The following MTUS2 variants were observed in gnomAD, a reference collection of about 807,000 sequenced individuals.
MTUS2 encodes microtubule-associated tumor suppressor candidate 2.
Under a neutral mutation model 114.1 loss-of-function variants are expected in MTUS2, and 40 were observed. The ratio of observed to expected loss-of-function variants is 0.35; its 90% CI spans 0.27 to 0.46. The LOEUF (loss-of-function observed/expected upper bound fraction) is 0.46. Among genes scored for constraint, MTUS2 ranks in the 20% least tolerant of loss-of-function variants. The pLI is 1.00. For missense variants in MTUS2, 1,679 were observed against 1,705.4 expected, an observed-to-expected ratio of 0.98 and a Z score of 0.27; for synonymous variants, 688 against 672.0, an observed-to-expected ratio of 1.02 and a Z score of -0.37.
intron 5 of MTUS2, among the ~76,000 whole-genome samples, chr13:29,158,358 C>CCCCCCCCCTCTTTTTTTTT: frequency 3.1e-5 from 1 of 32,050 alleles, no homozygotes. Flanking sequence ...GTCCACCCCG[C>CCCCCCCCCTCTTTTTTTTT]TTTTTTTTTT....
At chr13:29,291,311 A>T (rs1214162451) in intron 6 of MTUS2, among the ~76,000 whole-genome samples, 2 of 152,232 alleles carry the variant, frequency 1.3e-5, no homozygotes, top group Non-Finnish European at 2.9e-5. Flanking sequence ...AGAGCCAGTG[A>T]GACACGCCAT....
At chr13:29,235,980 A>G (rs1457315622) in intron 5 of MTUS2, among the ~76,000 whole-genome samples, 1 of 152,128 alleles carries the variant, frequency 6.6e-6, no homozygotes, top group East Asian at 1.9e-4. Flanking sequence ...CTACTAACAT[A>G]TTGTTCTTAA....
chr13:28,998,085 G>A (rs2138368542), intron 2 of MTUS2, among the ~76,000 whole-genome samples: 1 of 152,116 alleles, frequency 6.6e-6, no homozygotes, highest in East Asian at 1.9e-4. Flanking sequence ...GGGCAGGCCT[G>A]GTGGTGACAA....
intron 2 of MTUS2, among the ~76,000 whole-genome samples, chr13:28,864,296 G>C (rs1028653580): frequency 1.3e-5 from 2 of 152,088 alleles, no homozygotes; most frequent in Admixed American, 1.3e-4. Flanking sequence ...ATGTTATAAG[G>C]GTCCATGAAA....
chr13:29,300,102 G>T (rs1423349299), intron 6 of MTUS2, among the ~76,000 whole-genome samples: 2 of 152,136 alleles, frequency 1.3e-5, no homozygotes, highest in African/African-American at 4.8e-5. Context: ...ATCTTTCTCT[G>T]CTATGCCTTT....
At chr13:28,828,553 G>A (rs1316891782) in intron 1 of MTUS2, among the ~76,000 whole-genome samples, 3 of 152,054 alleles carry the variant, frequency 2.0e-5, no homozygotes, top group African/African-American at 7.2e-5. Flanking sequence ...TATTAATTTG[G>A]GGAACTAATA....
chr13:29,285,006 A>G (rs1309253067), intron 6 of MTUS2, among the ~76,000 whole-genome samples: 4 of 152,114 alleles, frequency 2.6e-5, no homozygotes, highest in Non-Finnish European at 5.9e-5. Flanking sequence ...TTGCCATGCT[A>G]GCTGGCTAAG....
At chr13:29,027,289 C>T (rs1419650043) in intron 3 of MTUS2, among the ~76,000 whole-genome samples, 1 of 152,212 alleles carries the variant, frequency 6.6e-6, no homozygotes, top group East Asian at 1.9e-4. Flanking sequence ...AGATCAGACT[C>T]ATTCCTCAAT....
Position 28,904,240 on chromosome 13 carries a change from G to T in MTUS2, c.-243+64390G>T, listed in dbSNP as rs543551543. ...GTTCACTCTGATGGTAGTTTCTTTT[G>T]CTGTGCAGAAGCTCTTTAGTTTAAT... is the stretch of plus-strand genomic sequence containing the variant. On this transcript the variant is annotated intron_variant, in intron 2 of 15. Transcript: ENST00000612955. Among the ~76,000 whole-genome samples the T allele has an allele frequency of 2.0e-4, 31 of 152,210 alleles. No individual in the cohort carries two copies. The East Asian group carries it at 6.0e-3, about 29-fold the overall frequency.
intron 6 of MTUS2, among the ~76,000 whole-genome samples, chr13:29,306,533 T>C (rs1416788939): frequency 6.6e-6 from 1 of 151,994 alleles, no homozygotes; most frequent in Non-Finnish European, 1.5e-5. Context: ...GAACTCCCAT[T>C]CACAATTACT....
At chr13:29,098,097 A>T (rs1407884797) in intron 4 of MTUS2, among the ~76,000 whole-genome samples, 2 of 152,166 alleles carry the variant, frequency 1.3e-5, no homozygotes, top group East Asian at 3.9e-4. Context: ...GTGATTGTTT[A>T]AAAAGCAGAC....
intron 2 of MTUS2, among the ~76,000 whole-genome samples, chr13:28,870,536 C>G (rs1877559649): frequency 6.6e-6 from 1 of 152,118 alleles, no homozygotes; most frequent in South Asian, 2.1e-4. Context: ...TTATGGATAT[C>G]TGTGCTTCTG....
chr13:28,979,060 G>A (rs948464225), intron 2 of MTUS2, among the ~76,000 whole-genome samples: 2 of 152,232 alleles, frequency 1.3e-5, no homozygotes, highest in Non-Finnish European at 2.9e-5. Flanking sequence ...TCTGCAGTCA[G>A]ACATTGCAAA....
chr13:28,899,875 A>G (rs987882513), intron 2 of MTUS2, among the ~76,000 whole-genome samples: 3 of 151,848 alleles, frequency 2.0e-5, no homozygotes, highest in Non-Finnish European at 4.4e-5. Flanking sequence ...AAACTTTTTT[A>G]AATTTTATTT....
At chr13:29,009,752 T>A (rs78329949) in intron 2 of MTUS2, among the ~76,000 whole-genome samples, 75,392 of 150,184 alleles carry the variant, frequency 0.5, 18,920 homozygotes, top group South Asian at 0.72. Flanking sequence ...GTTTTCTTTA[T>A]TTTTTTAGTG....
At chr13:28,991,835 C>T (rs1884871784) in intron 2 of MTUS2, among the ~76,000 whole-genome samples, 1 of 152,176 alleles carries the variant, frequency 6.6e-6, no homozygotes, top group African/African-American at 2.4e-5. Context: ...AGACATCCCT[C>T]TGATCCTGTG....
intron 2 of MTUS2, among the ~76,000 whole-genome samples, chr13:29,015,496 CT>C (rs532886985): frequency 1.2e-4 from 19 of 152,288 alleles, no homozygotes; most frequent in African/African-American, 4.6e-4. Context: ...TGGAAAAGTA[CT>C]TGCAAATGAA....
chr13:29,383,240 G>GTATATATATATATATATATT (rs1224083355), intron 8 of MTUS2, among the ~76,000 whole-genome samples: 354 of 25,066 alleles, frequency 0.014, 4 homozygotes, highest in African/African-American at 0.023. Context: ...GTGTGTGTGT[G>GTATATATATATATATATATT]TGTGTGTGTG....
intron 2 of MTUS2, among the ~76,000 whole-genome samples, chr13:28,973,055 CTG>C (rs1024636005): frequency 1.4e-4 from 21 of 152,062 alleles, no homozygotes; most frequent in African/African-American, 5.1e-4. Context: ...GACATACACT[CTG>C]TATGTAGCTT....
Sources: allele counts gnomAD v4.1 joint callset (sites outside exome capture counted in the v4.1 genomes callset), GRCh38; gene constraint gnomAD v4.1.1; transcripts MANE v1.5; gene names NCBI Gene and HGNC (gene_info 2026-07-23, HGNC 2026-07-21).